The following LARP4B variants were observed in gnomAD, a reference collection of about 807,000 sequenced individuals.
LARP4B encodes the protein la-related protein 4B.
A neutral mutation model predicts 89.8 loss-of-function variants in LARP4B; 12 were observed. The ratio of observed to expected loss-of-function variants is 0.13; its 90% CI spans 0.09 to 0.22. The LOEUF is 0.22. Ranked by LOEUF, LARP4B falls within the 10% of genes least tolerant of loss-of-function variation. The pLI is 1.00. For synonymous variants in LARP4B, 367 were observed against 363.3 expected, an observed-to-expected ratio of 1.01 and a Z score of -0.12; for missense variants, 757 against 947.7, an observed-to-expected ratio of 0.80 and a Z score of 2.64.
intron 7 of LARP4B, 146 bp downstream of exon 7, chr10:842,786 T>C: frequency 1.5e-6 from 1 of 675,824 alleles, no homozygotes; most frequent in Non-Finnish European, 2.4e-6. Context: ...TTATTGGACC[T>C]GGGCAGAAAG....
chr10:984,973 A>G, the LARP4B span, among the ~76,000 whole-genome samples: 3 of 152,348 alleles, frequency 2.0e-5, no homozygotes, highest in South Asian at 2.1e-4. Context: ...ACAAGGTAAT[A>G]ACTCTACAGA....
intron 3 of LARP4B, chr10:873,277 C>T: frequency 1.0e-6 from 1 of 985,384 alleles, no homozygotes; most frequent in Non-Finnish European, 1.2e-6. Context: ...GCACAGCGGT[C>T]ACATGTTCCT....
chr10:979,323 G>A, the LARP4B span, among the ~76,000 whole-genome samples: 1 of 152,114 alleles, frequency 6.6e-6, no homozygotes, highest in Admixed American at 6.6e-5. Context: ...GTCTTCCTCT[G>A]CCCTGCTCTA....
At chr10:835,043 A>G (rs866105736) in intron 8 of LARP4B, among the ~76,000 whole-genome samples, 1 of 151,600 alleles carries the variant, frequency 6.6e-6, no homozygotes, top group Non-Finnish European at 1.5e-5. Flanking sequence ...CCGTCTCAAA[A>G]AAAAAAAAAA....
At chr10:978,395 T>C in the LARP4B span, among the ~76,000 whole-genome samples, 2 of 152,240 alleles carry the variant, frequency 1.3e-5, no homozygotes, top group Non-Finnish European at 2.9e-5. Flanking sequence ...TAAACATTTA[T>C]TGTACTTATT....
chr10:945,414 T>C, the LARP4B span, among the ~76,000 whole-genome samples: 14 of 145,680 alleles, frequency 9.6e-5, no homozygotes, highest in South Asian at 4.3e-4. Context: ...GGTCCAGGCA[T>C]GGTGGCTCAC....
chr10:958,227 G>A, the LARP4B span, among the ~76,000 whole-genome samples: 2 of 152,206 alleles, frequency 1.3e-5, no homozygotes, highest in Non-Finnish European at 2.9e-5. Context: ...GAGCTGACCT[G>A]TCTTGCTGGT....
At chr10:846,971 C>T (rs895339219) in intron 5 of LARP4B, among the ~76,000 whole-genome samples, 6 of 152,206 alleles carry the variant, frequency 3.9e-5, no homozygotes, top group African/African-American at 1.2e-4. Context: ...CACAGTAGAG[C>T]CAGGTAAGTT....
At chr10:950,658 T>G in the LARP4B span, among the ~76,000 whole-genome samples, 1 of 152,222 alleles carries the variant, frequency 6.6e-6, no homozygotes, top group Non-Finnish European at 1.5e-5. Flanking sequence ...TATTTAGGCT[T>G]TCTTTGATTT....
the LARP4B span, among the ~76,000 whole-genome samples, chr10:968,983 T>C: frequency 1.3e-5 from 2 of 152,206 alleles, no homozygotes; most frequent in African/African-American, 4.8e-5. Flanking sequence ...CCCTGTGACC[T>C]TCGGAGTCGG....
At chr10:825,598 G>A (rs1020081562) in intron 12 of LARP4B, among the ~76,000 whole-genome samples, 166 bp downstream of exon 12, 9 of 152,196 alleles carry the variant, frequency 5.9e-5, no homozygotes, top group East Asian at 3.8e-4. Flanking sequence ...AATCTGAGGC[G>A]GGCACCCATG....
rs1392486528 is a variant in LARP4B, at chr10:811,293, T to C, written c.*1633A>G. 2 of 152,788 alleles carry C rather than the reference T, an allele frequency of 1.3e-5. No homozygotes were observed. Among genetic ancestry groups the C allele is most frequent in the East Asian group, 1.9e-4 (1 of 5,194 alleles). 9.5% of individuals were successfully genotyped at this position (152,788 alleles called of 1,614,324 possible). ...ATATATCAATAATCTGTATCAGAATTTTCTCTGTAGGGTACCTTTTTCATA... is the reference window on the plus strand; with the variant it reads ...ATATATCAATAATCTGTATCAGAATCTTCTCTGTAGGGTACCTTTTTCATA... On this transcript the variant is annotated 3_prime_UTR_variant, in exon 18 of 18. Transcript: ENST00000316157.
rs931303672 is a variant in LARP4B at position 822,388 on chromosome 10, G to A, written c.1485-1543C>T. Among the ~76,000 whole-genome samples the A allele has an allele frequency of 2.0e-5, 3 of 152,202 alleles. No homozygotes were observed. Among genetic ancestry groups the A allele is most frequent in the Non-Finnish European group, 4.4e-5 (3 of 68,022 alleles). ...TCCCTCCGCCAAGGGCAGCCTGCTC[G>A]TCACTACCGGCTGGGACGCAGGGGC... On this transcript the variant is annotated intron_variant, in intron 13 of 17. Coordinates refer to ENST00000316157, the MANE Select transcript of LARP4B (RefSeq NM_015155.3). The surrounding 1 kb of genome is among the most constrained non-coding windows in gnomAD (Gnocchi z 4.6).
the LARP4B span, among the ~76,000 whole-genome samples, chr10:974,146 G>A: frequency 6.6e-6 from 1 of 152,156 alleles, no homozygotes; most frequent in African/African-American, 2.4e-5. Flanking sequence ...AGGTCTGGGA[G>A]AGCTGGTTTG....
intron 15 of LARP4B, 179 bp from the exon 16 acceptor site, chr10:815,249 G>C: frequency 1.9e-6 from 1 of 516,182 alleles, no homozygotes; most frequent in Non-Finnish European, 3.1e-6. Context: ...CCCACAGATC[G>C]CCCACCCTTC....
the LARP4B span, among the ~76,000 whole-genome samples, chr10:938,848 A>C: frequency 2.6e-5 from 4 of 152,318 alleles, no homozygotes; most frequent in South Asian, 8.3e-4. Context: ...TCTTGTAGAG[A>C]CACATTCTGC....
the LARP4B span, among the ~76,000 whole-genome samples, chr10:943,860 C>T: frequency 6.6e-6 from 1 of 151,886 alleles, no homozygotes; most frequent in African/African-American, 2.4e-5. Context: ...TCCACGTAAG[C>T]TCCACAACAT....
chr10:941,542 G>A, the LARP4B span, among the ~76,000 whole-genome samples: 1 of 152,036 alleles, frequency 6.6e-6, no homozygotes, highest in African/African-American at 2.4e-5. Flanking sequence ...GTCTAGTCTT[G>A]AACTCCTAAC....
chr10:912,902 A>C (rs1437246172), intron 1 of LARP4B, among the ~76,000 whole-genome samples: 1 of 152,104 alleles, frequency 6.6e-6, no homozygotes, highest in Non-Finnish European at 1.5e-5. Flanking sequence ...ACATTTAGCT[A>C]GCTATCCTGA....
Sources: allele counts gnomAD v4.1 joint callset (sites outside exome capture counted in the v4.1 genomes callset), GRCh38; gene constraint gnomAD v4.1.1; non-coding constraint Gnocchi (gnomAD v3.1); transcripts MANE v1.5; gene names NCBI Gene and HGNC (gene_info 2026-07-23, HGNC 2026-07-21).